FER: variants seen among roughly 807,000 people sequenced by gnomAD.
FER encodes FER tyrosine kinase.
In FER, 63 loss-of-function variants were observed where a neutral mutation model predicts 111.0. The ratio of observed to expected loss-of-function variants is 0.57; its 90% CI spans 0.46 to 0.70. FER has a LOEUF of 0.70. Ranked by LOEUF, FER falls within the 30% of genes least tolerant of loss-of-function variation. The pLI is 0.00. For synonymous variants in FER, 327 were observed against 313.9 expected (o/e 1.04, Z -0.44); for missense variants, 914 against 954.0 (o/e 0.96, Z 0.55).
chr5:109,096,380 A>C, intron 16 of FER, among the ~76,000 whole-genome samples: 1 of 152,024 alleles, frequency 6.6e-6, no homozygotes, highest in East Asian at 1.9e-4. Context: ...ATGTATAAAA[A>C]ACTCTATAGG....
At chr5:109,091,119 G>A (rs552805811) in intron 16 of FER, among the ~76,000 whole-genome samples, 5 of 152,330 alleles carry the variant, frequency 3.3e-5, no homozygotes, top group African/African-American at 1.2e-4. Context: ...AATTAGTCTG[G>A]ATGGAAGGAA....
At chr5:109,013,782 T>C (rs1391889440) in intron 13 of FER, among the ~76,000 whole-genome samples, 16 of 149,868 alleles carry the variant, frequency 1.1e-4, no homozygotes, top group African/African-American at 3.7e-4. Flanking sequence ...TTCTAACTGG[T>C]GTGAGATGGT....
intron 14 of FER, among the ~76,000 whole-genome samples, chr5:109,041,220 T>G (rs1470649678): frequency 2.0e-5 from 3 of 152,178 alleles, no homozygotes; most frequent in Non-Finnish European, 4.4e-5. Flanking sequence ...AGGTGCAGAA[T>G]AGGCAGAGTT....
intron 10 of FER, among the ~76,000 whole-genome samples, chr5:108,906,601 A>G (rs1335393995): frequency 6.6e-6 from 1 of 151,848 alleles, no homozygotes; most frequent in Admixed American, 6.6e-5. Flanking sequence ...TTCCTTTCTC[A>G]TACATTATTA....
intron 13 of FER, among the ~76,000 whole-genome samples, chr5:109,011,352 A>G (rs1256885266): frequency 6.6e-6 from 1 of 152,238 alleles, no homozygotes; most frequent in Non-Finnish European, 1.5e-5. Flanking sequence ...GTTTAACATC[A>G]GAGGAGAAAT....
At chr5:108,967,765 A>AAAAAAC (rs1480679384) in intron 13 of FER, among the ~76,000 whole-genome samples, 2 of 150,518 alleles carry the variant, frequency 1.3e-5, no homozygotes, top group African/African-American at 4.9e-5. Flanking sequence ...GTCTCAAAAA[A>AAAAAAC]AAAAAAAAAA....
chr5:109,037,336 T>C, intron 13 of FER, 86 bp from the exon 14 acceptor site: 1 of 1,057,082 alleles, frequency 9.5e-7, no homozygotes, highest in South Asian at 1.4e-5. Flanking sequence ...AATATCCCTT[T>C]AGGTCGACTT....
chr5:108,801,195 A>G (rs1756605781), intron 3 of FER, among the ~76,000 whole-genome samples: 1 of 152,168 alleles, frequency 6.6e-6, no homozygotes, highest in Non-Finnish European at 1.5e-5. Context: ...ATTGAAGTTC[A>G]TATTTTTATC....
At chr5:108,923,216 A>C (rs1753267272) in intron 10 of FER, among the ~76,000 whole-genome samples, 1 of 152,038 alleles carries the variant, frequency 6.6e-6, no homozygotes, top group Non-Finnish European at 1.5e-5. Context: ...AATTATTCTC[A>C]GTGTACAAAA....
At chr5:109,125,716 TTCTC>T (rs967686772) in intron 17 of FER, among the ~76,000 whole-genome samples, 5 of 152,182 alleles carry the variant, frequency 3.3e-5, no homozygotes, top group Admixed American at 2.0e-4. Context: ...ACTGGATTTT[TTCTC>T]TCTCTCTTCA....
At chr5:108,954,222 A>G (rs1264826467) in intron 11 of FER, among the ~76,000 whole-genome samples, 2 of 152,126 alleles carry the variant, frequency 1.3e-5, no homozygotes, top group South Asian at 4.1e-4. Context: ...GAGTGAAGAT[A>G]AAGACAGAAA....
At position 109,192,060 on chromosome 5, in the gene FER, G is replaced by T. The variant is rs1759422066; in HGVS notation, c.*4485G>T. On this transcript the variant is annotated 3_prime_UTR_variant, in exon 20 of 20. Coordinates refer to ENST00000281092, the MANE Select transcript of FER (RefSeq NM_005246.4). ...AGAAATTAAATTCTGAACTTTTAGT[G>T]TAGGCATTAGGAATCACTTAGCCAC... 6.6e-6 allele frequency: 1 copy of T among 152,118 alleles called. No individual in the cohort carries two copies. Among genetic ancestry groups the T allele is most frequent in the Admixed American group, 6.6e-5 (1 of 15,266 alleles). The allele number at this position is 152,118 out of a possible 1,614,324, so 9.4% of individuals were successfully genotyped here. A position where few individuals can be genotyped will look rare whatever the true frequency, so the allele number is the denominator to read the frequency against.
chr5:109,035,190 C>T (rs1198225027), intron 13 of FER, among the ~76,000 whole-genome samples: 4 of 151,908 alleles, frequency 2.6e-5, no homozygotes, highest in African/African-American at 4.8e-5. Flanking sequence ...TGCGCCACCA[C>T]ACCCAGCTAA....
intron 16 of FER, among the ~76,000 whole-genome samples, chr5:109,084,043 A>G (rs1777286060): frequency 6.6e-6 from 1 of 152,052 alleles, no homozygotes; most frequent in African/African-American, 2.4e-5. Context: ...TCTTAAGTAT[A>G]GAGCTTGAAT....
chr5:108,955,387 G>C (rs1758306250), intron 12 of FER, among the ~76,000 whole-genome samples: 1 of 151,448 alleles, frequency 6.6e-6, no homozygotes, highest in South Asian at 2.1e-4. Context: ...TTAATGAATG[G>C]GATGATGGTT....
chr5:108,770,803 G>A (rs1301326064), intron 2 of FER, among the ~76,000 whole-genome samples: 1 of 152,004 alleles, frequency 6.6e-6, no homozygotes, highest in Non-Finnish European at 1.5e-5. Context: ...CTTCATCAGA[G>A]GATATTTATA....
chr5:108,952,610 T>C (rs1757919877), intron 11 of FER, among the ~76,000 whole-genome samples: 1 of 138,836 alleles, frequency 7.2e-6, no homozygotes, highest in African/African-American at 2.5e-5. Context: ...AAGAAGCCTA[T>C]AGAATTGAAG....
At chr5:108,822,774 T>G (rs1354525966) in intron 3 of FER, among the ~76,000 whole-genome samples, 2 of 143,930 alleles carry the variant, frequency 1.4e-5, no homozygotes, top group Non-Finnish European at 3.1e-5. Context: ...TTTATTTTAT[T>G]TTATGTTATT....
intron 16 of FER, among the ~76,000 whole-genome samples, chr5:109,070,003 A>G (rs951161509): frequency 6.6e-6 from 1 of 152,106 alleles, no homozygotes; most frequent in Non-Finnish European, 1.5e-5. Context: ...ATAACTTTTT[A>G]CAGTAGCAAT....
Sources: gnomAD v4.1 joint callset for allele counts (sites outside exome capture counted in the v4.1 genomes callset) on GRCh38, gnomAD v4.1.1 for gene constraint, MANE v1.5 for transcripts, NCBI Gene and HGNC (gene_info 2026-07-23, HGNC 2026-07-21) for gene names.